The following EIF3CL variants were observed in gnomAD, a reference collection of about 807,000 sequenced individuals.
EIF3CL encodes the protein eukaryotic translation initiation factor 3 subunit C-like protein.
For missense variants in EIF3CL, 5 were observed against 56.1 expected (o/e 0.09, Z 2.91); for synonymous variants, 2 against 19.6 (o/e 0.10, Z 2.37).
chr16:28,414,909 C>A, the EIF3CL span: 1 of 516,944 alleles, frequency 1.9e-6, no homozygotes, highest in Middle Eastern at 3.2e-4. Context: ...CGACGCCGGC[C>A]TCCGGGTCCC....
At chr16:28,422,949 C>T in the EIF3CL span, among the ~76,000 whole-genome samples, 5 of 127,400 alleles carry the variant, frequency 3.9e-5, no homozygotes, top group South Asian at 4.7e-4. Context: ...GGGAGGCTGA[C>T]ACAGGCAGAT....
chr16:28,418,075 C>G, the EIF3CL span, among the ~76,000 whole-genome samples: 2 of 150,922 alleles, frequency 1.3e-5, no homozygotes, highest in Non-Finnish European at 3.0e-5. Flanking sequence ...AGTGTGCATG[C>G]TATAAAAAAG....
the EIF3CL span, chr16:28,414,662 C>T: frequency 4.3e-5 from 14 of 329,194 alleles, 1 homozygote; most frequent in African/African-American, 1.4e-4. Context: ...GCTTCAAGGA[C>T]GAGCTGGAAG....
At chr16:28,392,771 AAC>A (rs1368379590) in intron 8 of EIF3CL, among the ~76,000 whole-genome samples, 1 of 145,982 alleles carries the variant, frequency 6.9e-6, no homozygotes, top group Non-Finnish European at 1.5e-5. Flanking sequence ...AATATATAAA[AAC>A]ATTTTTTTCT....
At chr16:28,382,166 C>A (rs1332263606) in intron 16 of EIF3CL, among the ~76,000 whole-genome samples, 1 of 62,308 alleles carries the variant, frequency 1.6e-5, no homozygotes, top group Non-Finnish European at 3.9e-5. Context: ...GCTGAGACTG[C>A]GCCACTGCAC....
At chr16:28,422,854 A>G in the EIF3CL span, among the ~76,000 whole-genome samples, 2 of 119,800 alleles carry the variant, frequency 1.7e-5, no homozygotes, top group Non-Finnish European at 3.6e-5. Context: ...AAAAGAAAAG[A>G]AAAGAAAAAA....
the EIF3CL span, among the ~76,000 whole-genome samples, chr16:28,417,155 C>T: frequency 5.8e-4 from 82 of 141,330 alleles, no homozygotes; most frequent in African/African-American, 2.0e-3. Context: ...GGGGTCAGCC[C>T]CCCGCCCGGC....
At chr16:28,414,804 C>T in the EIF3CL span, 1 of 470,082 alleles carries the variant, frequency 2.1e-6, no homozygotes, top group Non-Finnish European at 4.3e-6. Flanking sequence ...TGACGAGTTC[C>T]CCCTGAGGAA....
chr16:28,417,570 A>T, the EIF3CL span, among the ~76,000 whole-genome samples: 1 of 107,722 alleles, frequency 9.3e-6, no homozygotes, highest in South Asian at 2.9e-4. Flanking sequence ...GGTTAAATGG[A>T]TTAAGGGCGG....
At chr16:28,418,695 T>A in the EIF3CL span, among the ~76,000 whole-genome samples, 1 of 151,938 alleles carries the variant, frequency 6.6e-6, no homozygotes, top group Non-Finnish European at 1.5e-5. Flanking sequence ...AGTGGTATGA[T>A]CTCAGCTCAC....
chr16:28,408,154 A>G (rs1257933814), upstream of EIF3CL, among the ~76,000 whole-genome samples: 1 of 35,320 alleles, frequency 2.8e-5, no homozygotes, highest in African/African-American at 1.0e-4. Flanking sequence ...CAGTGAGCCA[A>G]GATCTTGCCA....
chr16:28,422,692 C>T, the EIF3CL span, among the ~76,000 whole-genome samples: 1 of 145,374 alleles, frequency 6.9e-6, no homozygotes, highest in Non-Finnish European at 1.5e-5. Context: ...AAAAAATTAG[C>T]CAGGTGTGGT....
rs1235698892 is a variant in EIF3CL, at chr16:28,403,145, G to A, written c.101+373C>T. 1.4e-5 allele frequency among the ~76,000 whole-genome samples: 2 copies of A among 138,298 alleles called. 1 individual carries two copies. The highest frequency in any genetic ancestry group is 3.2e-5 in the Non-Finnish European group (2 of 62,752). The allele number at this position is 138,298 out of a possible 152,430, so 90.7% of individuals were successfully genotyped here. A position where few individuals can be genotyped will look rare whatever the true frequency, so the allele number is the denominator to read the frequency against. On this transcript the variant is annotated intron_variant, in intron 2 of 20. Coordinates refer to ENST00000380876, the MANE Select transcript of EIF3CL (RefSeq NM_001317857.2). The stretch of plus-strand genomic sequence containing the variant: ...CCAGACTTCAGAGTCGCATCAGGGG[G>A]CTCCCAGATACCAATCAAGCATTTT...
At chr16:28,411,107 A>C in the EIF3CL span, among the ~76,000 whole-genome samples, 1 of 150,938 alleles carries the variant, frequency 6.6e-6, no homozygotes, top group Non-Finnish European at 1.5e-5. Flanking sequence ...GCAATGGCGC[A>C]ATCTTGGCTC....
chr16:28,415,368 G>A, the EIF3CL span, among the ~76,000 whole-genome samples: 9 of 112,970 alleles, frequency 8.0e-5, no homozygotes, highest in Admixed American at 2.0e-4. Context: ...TCAGGTCACC[G>A]GGTTCTGTTT....
At chr16:28,424,040 T>G in the EIF3CL span, among the ~76,000 whole-genome samples, 2 of 147,384 alleles carry the variant, frequency 1.4e-5, no homozygotes, top group Admixed American at 7.0e-5. Context: ...CAGGCTGGAG[T>G]GCAGTGGTGT....
chr16:28,414,800 G>A, the EIF3CL span: 2 of 468,812 alleles, frequency 4.3e-6, no homozygotes, highest in Admixed American at 5.0e-5. Flanking sequence ...GAGGTGACGA[G>A]TTCCCCCTGA....
At chr16:28,416,798 A>G in the EIF3CL span, among the ~76,000 whole-genome samples, 1 of 83,112 alleles carries the variant, frequency 1.2e-5, no homozygotes, top group Non-Finnish European at 2.5e-5. Flanking sequence ...CCCGTCCGGG[A>G]GGTGAGGGGC....
the EIF3CL span, among the ~76,000 whole-genome samples, chr16:28,423,988 ATTT>A: frequency 2.2e-5 from 1 of 45,280 alleles, no homozygotes. Flanking sequence ...CACCTGGCTA[ATTT>A]TTTTTTTTTT....
Sources: gnomAD v4.1 joint callset for allele counts (sites outside exome capture counted in the v4.1 genomes callset) on GRCh38, gnomAD v4.1.1 for gene constraint, MANE v1.5 for transcripts, NCBI Gene and HGNC (gene_info 2026-07-23, HGNC 2026-07-21) for gene names.